Variants in NEK6 observed in about 807,000 individuals in gnomAD.
NEK6 encodes the protein NIMA related kinase 6.
Under a neutral mutation model 43.5 loss-of-function variants are expected in NEK6, and 27 were observed. The observed-to-expected ratio is 0.62, with a 90% confidence interval of 0.46 to 0.86. The LOEUF is 0.86. Ranked by LOEUF, NEK6 falls within the 40% of genes least tolerant of loss-of-function variation. NEK6 has a pLI of 0.00. For synonymous variants in NEK6, 167 were observed against 164.1 expected (o/e 1.02, Z -0.14); for missense variants, 318 against 414.4 (o/e 0.77, Z 2.02).
intron 7 of NEK6, among the ~76,000 whole-genome samples, chr9:124,332,506 C>G (rs1464987157): frequency 6.6e-6 from 1 of 152,208 alleles, no homozygotes; most frequent in Non-Finnish European, 1.5e-5. Context: ...CTGTCTGTCC[C>G]ATGGAGGATT....
intron 4 of NEK6, among the ~76,000 whole-genome samples, chr9:124,319,757 C>T (rs146917865): frequency 6.6e-6 from 1 of 152,282 alleles, no homozygotes; most frequent in African/African-American, 2.4e-5. Flanking sequence ...TGTAGGTATG[C>T]TGCTTTATTT....
Position 124,352,228 on chromosome 9 carries a change from G to C in NEK6, c.*1281G>C, listed in dbSNP as rs1182131908. On this transcript the variant is annotated 3_prime_UTR_variant, in exon 10 of 10. Coordinates refer to ENST00000320246, the MANE Select transcript of NEK6 (RefSeq NM_014397.6). ...CGCTGGCATCGGGCAGGTGATTCCT[G>C]ACACCTGCTGCCTGCAGGCATTCAC... 1 of 152,518 alleles carries C rather than the reference G, an allele frequency of 6.6e-6. No homozygotes were observed. Among genetic ancestry groups the C allele is most frequent in the Non-Finnish European group, 1.5e-5 (1 of 68,056 alleles). 9.4% of individuals were successfully genotyped at this position (152,518 alleles called of 1,614,324 possible). A position where few individuals can be genotyped will look rare whatever the true frequency, so the allele number is the denominator to read the frequency against.
At chr9:124,308,223 T>C (rs1375539619) in intron 2 of NEK6, among the ~76,000 whole-genome samples, 3 of 152,122 alleles carry the variant, frequency 2.0e-5, no homozygotes, top group East Asian at 3.9e-4. Context: ...GGCCCCAGCA[T>C]TGGAGTCTCA....
intron 8 of NEK6, among the ~76,000 whole-genome samples, chr9:124,345,269 C>A (rs771599322): frequency 6.6e-6 from 1 of 152,222 alleles, no homozygotes; most frequent in Non-Finnish European, 1.5e-5. Context: ...GGAGATCTCG[C>A]CGTCCAGGGT....
At chr9:124,292,395 A>G in intron 1 of NEK6, 1 of 1,524,476 alleles carries the variant, frequency 6.6e-7, no homozygotes, top group East Asian at 2.5e-5. Flanking sequence ...GGAAGCAGAA[A>G]AAGCAATTCT....
At position 124,301,461 on chromosome 9, in the gene NEK6, G is replaced by A. The variant is rs192023170; in HGVS notation, c.-29-475G>A. On this transcript the variant is annotated intron_variant, in intron 1 of 9. Transcript: ENST00000320246. ...AGGGCCCAGCCAGGACAAGGACGTA[G>A]GTTCCTTCCCACAGCAGCTGTCTGC... 3.5e-3 allele frequency among the ~76,000 whole-genome samples: 538 copies of A among 152,308 alleles called. 3 individuals carry two copies. Among genetic ancestry groups the A allele is most frequent in the African/African-American group, 0.012 (514 of 41,556 alleles).
At chr9:124,273,056 CTG>C (rs1348444667) in intron 1 of NEK6, among the ~76,000 whole-genome samples, 32 of 152,300 alleles carry the variant, frequency 2.1e-4, no homozygotes, top group East Asian at 1.9e-4. Context: ...TAGAGACAGA[CTG>C]TTGGTGCTAA....
At chr9:124,257,651 G>A, upstream of NEK6, 1 of 1,521,354 alleles carries the variant, frequency 6.6e-7, no homozygotes, top group Non-Finnish European at 8.8e-7. Context: ...GGAGTCCAAG[G>A]GTTGGCTGAC....
chr9:124,337,840 C>A (rs1383415038), intron 7 of NEK6, among the ~76,000 whole-genome samples: 1 of 152,222 alleles, frequency 6.6e-6, no homozygotes, highest in Non-Finnish European at 1.5e-5. Context: ...AGTAGTTGTA[C>A]CATTTTACCT....
chr9:124,330,641 C>T lies in NEK6; in HGVS notation c.622+3196C>T, dbSNP rs143865220. Among the ~76,000 whole-genome samples the T allele has an allele frequency of 6.0e-3, 910 of 152,368 alleles. 12 individuals carry two copies. The highest frequency in any genetic ancestry group is 0.021 in the African/African-American group (890 of 41,594). ...CTGGGTCTCCCAGGGCTTAGCCTGG[C>T]GCTGAGGCGCAAACCCCTTCCTTCT... On this transcript the variant is annotated intron_variant, in intron 7 of 9. Transcript: ENST00000320246.
chr9:124,350,955 T>G lies in NEK6; in HGVS notation c.*8T>G. On this transcript the variant is annotated 3_prime_UTR_variant, in exon 10 of 10. Transcript: ENST00000320246. The stretch of plus-strand genomic sequence containing the variant: ...TGGATGTCCAGCACCTGAGCGTGGA[T>G]GCACCGTGCCTTATCAAAGCCAGCA... 6.3e-7 allele frequency: 1 copy of G among 1,597,112 alleles called. No homozygotes were observed. Among genetic ancestry groups the G allele is most frequent in the Non-Finnish European group, 8.5e-7 (1 of 1,170,620 alleles).
Position 124,326,182 on chromosome 9 carries a change from T to C in NEK6, c.406-148T>C. On this transcript the variant is annotated intron_variant, in intron 5 of 9. Coordinates refer to ENST00000320246, the MANE Select transcript of NEK6 (RefSeq NM_014397.6). This position sits in a 1 kb window ranked among gnomAD's most constrained non-coding sequence, Gnocchi z 4.5. Reference sequence around the variant, plus strand: ...CACAGCACTCTTGGTTCTGGGCTTATTGTTTGCTCAGTGGCTCAATCCCCC... The same window carrying C: ...CACAGCACTCTTGGTTCTGGGCTTACTGTTTGCTCAGTGGCTCAATCCCCC... The C allele has an allele frequency of 8.5e-6, 5 of 587,140 alleles. No individual in the cohort carries two copies. Among genetic ancestry groups the C allele is most frequent in the South Asian group, 7.1e-5 (4 of 56,348 alleles). The allele number at this position is 587,140 out of a possible 1,614,324, so 36.4% of individuals were successfully genotyped here. A position where few individuals can be genotyped will look rare whatever the true frequency, so the allele number is the denominator to read the frequency against.
At chr9:124,336,530 A>G (rs947515364) in intron 7 of NEK6, among the ~76,000 whole-genome samples, 1 of 152,126 alleles carries the variant, frequency 6.6e-6, no homozygotes, top group Non-Finnish European at 1.5e-5. Context: ...CCAGCCCCTG[A>G]ATGGTCCATT....
intron 1 of NEK6, chr9:124,293,083 C>T: frequency 2.1e-6 from 3 of 1,399,860 alleles, no homozygotes; most frequent in Non-Finnish European, 2.8e-6. Context: ...GGGCCTGGGA[C>T]TCCTAGAGTG....
At chr9:124,309,904 G>C (rs1833444926) in intron 2 of NEK6, among the ~76,000 whole-genome samples, 1 of 152,244 alleles carries the variant, frequency 6.6e-6, no homozygotes, top group African/African-American at 2.4e-5. Flanking sequence ...TCTGGGGTCA[G>C]AGCCTCAGTG....
At chr9:124,274,246 C>T (rs547763042) in intron 1 of NEK6, among the ~76,000 whole-genome samples, 19 of 152,376 alleles carry the variant, frequency 1.2e-4, no homozygotes, top group South Asian at 1.0e-3. Context: ...GTGTGAGCCT[C>T]GCTGTGGCAG....
Position 124,275,104 on chromosome 9 carries a change from G to A in NEK6, c.-30+17019G>A, listed in dbSNP as rs1450894003. Reference sequence around the variant, plus strand: ...CCATCCCAGTAAACTCCAGGAGGGTGAGACTGTGCACAGCACACAGTGGGA... The same window carrying A: ...CCATCCCAGTAAACTCCAGGAGGGTAAGACTGTGCACAGCACACAGTGGGA... On this transcript the variant is annotated intron_variant, in intron 1 of 9. Transcript: ENST00000320246. This position sits in a 1 kb window ranked among gnomAD's most constrained non-coding sequence, Gnocchi z 4.4. 1.3e-5 allele frequency among the ~76,000 whole-genome samples: 2 copies of A among 152,200 alleles called. No individual in the cohort carries two copies. Among genetic ancestry groups the A allele is most frequent in the Non-Finnish European group, 2.9e-5 (2 of 68,038 alleles).
intron 1 of NEK6, among the ~76,000 whole-genome samples, chr9:124,278,213 T>C (rs1187283852): frequency 6.6e-6 from 1 of 152,110 alleles, no homozygotes; most frequent in Non-Finnish European, 1.5e-5. Flanking sequence ...CGCCTAGGTG[T>C]GGGGGAGGCG....
intron 7 of NEK6, among the ~76,000 whole-genome samples, chr9:124,329,677 G>A (rs1172160999): frequency 6.6e-6 from 1 of 152,224 alleles, no homozygotes; most frequent in Non-Finnish European, 1.5e-5. Context: ...CCTGCCAGCA[G>A]GACAAGCTCC....
Sources: allele counts gnomAD v4.1 joint callset (sites outside exome capture counted in the v4.1 genomes callset), GRCh38; gene constraint gnomAD v4.1.1; non-coding constraint Gnocchi (gnomAD v3.1); transcripts MANE v1.5; gene names NCBI Gene and HGNC (gene_info 2026-07-23, HGNC 2026-07-21).